Variants in PRDX3 observed in about 807,000 individuals in gnomAD.
PRDX3 encodes the protein peroxiredoxin 3.
Under a neutral mutation model 30.4 loss-of-function variants are expected in PRDX3, and 20 were observed. The ratio of observed to expected loss-of-function variants is 0.66; its 90% CI spans 0.46 to 0.96. The LOEUF is 0.96. Ranked by LOEUF, PRDX3 falls within the 40% of genes least tolerant of loss-of-function variation. The pLI, the probability that PRDX3 is intolerant of heterozygous loss-of-function variation, is 0.00. For missense variants in PRDX3, 322 were observed against 318.3 expected (o/e 1.01, Z -0.09); for synonymous variants, 124 against 117.8 (o/e 1.05, Z -0.34).
chr10:119,177,258 C>T (rs760336772), intron 1 of PRDX3, 105 bp from the exon 2 acceptor site: 2 of 1,159,294 alleles, frequency 1.7e-6, no homozygotes, highest in East Asian at 2.5e-5. Context: ...TCCTGTGAAC[C>T]AAATAGCAAA....
chr10:119,172,689 A>G (rs534017165), intron 4 of PRDX3, among the ~76,000 whole-genome samples: 1 of 152,334 alleles, frequency 6.6e-6, no homozygotes, highest in East Asian at 1.9e-4. Context: ...TGAGGCAAGA[A>G]AAACCTAAGT....
At chr10:119,170,465 G>C (rs1847879035) in intron 5 of PRDX3, 1 of 152,106 alleles carries the variant, frequency 6.6e-6, no homozygotes, top group Non-Finnish European at 1.5e-5. Flanking sequence ...AACGGGTACA[G>C]AGGTAACTGC....
At chr10:119,177,219 G>A (rs1462702999) in intron 1 of PRDX3, 66 bp from the exon 2 acceptor site, 45 of 1,545,978 alleles carry the variant, frequency 2.9e-5, no homozygotes, top group African/African-American at 2.7e-4. Context: ...AAAGGGCATC[G>A]TGCCAACGGT....
intron 5 of PRDX3, 106 bp downstream of exon 5, chr10:119,172,276 T>C: frequency 8.1e-6 from 8 of 991,090 alleles, no homozygotes; most frequent in African/African-American, 1.6e-5. Context: ...AGCCAGGATC[T>C]TCTGGTTTTA....
chr10:119,169,971 T>C (rs1847866961), intron 5 of PRDX3: 1 of 152,344 alleles, frequency 6.6e-6, no homozygotes, highest in Non-Finnish European at 1.5e-5. Context: ...GCAGATATGT[T>C]TAGCCTAGAA....
At chr10:119,175,809 C>T (rs182933886) in intron 2 of PRDX3, among the ~76,000 whole-genome samples, 57 of 144,558 alleles carry the variant, frequency 3.9e-4, no homozygotes, top group African/African-American at 1.1e-3. Context: ...GACAGAGTTT[C>T]GCTCTGTCAC....
intron 5 of PRDX3, 71 bp downstream of exon 5, chr10:119,172,311 A>G (rs1847923583): frequency 7.6e-7 from 1 of 1,319,292 alleles, no homozygotes; most frequent in Non-Finnish European, 1.1e-6. Flanking sequence ...AGGTCTACAT[A>G]AATCCCCTAA....
At chr10:119,170,194 G>C (rs1194187771) in intron 5 of PRDX3, 1 of 152,182 alleles carries the variant, frequency 6.6e-6, no homozygotes, top group African/African-American at 2.4e-5. Context: ...TGTCTTAAAA[G>C]GATGTGGAAA....
At chr10:119,169,057 A>C in intron 6 of PRDX3, 120 bp downstream of exon 6, 12 of 903,104 alleles carry the variant, frequency 1.3e-5, no homozygotes, top group East Asian at 6.0e-5. Flanking sequence ...AGCTTCACCC[A>C]TTTGCATATC....
chr10:119,168,543 C>CAA lies in PRDX3; in HGVS notation c.718-12_718-11dup, dbSNP rs1847821505. 4 of 1,613,252 alleles carry CAA rather than the reference C, an allele frequency of 2.5e-6. No homozygotes were observed. The South Asian group carries it at 4.4e-5, about 18-fold the overall frequency. ...CTGGACTTGGCTTGATCTGAAAATACAAAAGCTTAATTAGGTAACTGTGAC... is the reference window on the plus strand; with the variant it reads ...CTGGACTTGGCTTGATCTGAAAATACAAAAAAGCTTAATTAGGTAACTGTGAC... On this transcript the variant is annotated splice_polypyrimidine_tract_variant and intron_variant, in intron 6 of 6. Transcript: ENST00000298510.
chr10:119,172,578 T>C (rs1283221942), intron 4 of PRDX3, 93 bp from the exon 5 acceptor site: 17 of 1,031,010 alleles, frequency 1.6e-5, no homozygotes, highest in Admixed American at 6.9e-5. Flanking sequence ...GTAACGGCGA[T>C]AGGTAACAGT....
Position 119,168,032 on chromosome 10 carries a change from T to G in PRDX3, c.*448A>C, listed in dbSNP as rs3377. The stretch of plus-strand genomic sequence containing the variant: ...TTGCAGGAGTTACACGGCTAATCAT[T>G]GAAAATTATGATCTTTGTTAGCTTA... On this transcript the variant is annotated 3_prime_UTR_variant, in exon 7 of 7. Coordinates refer to ENST00000298510, the MANE Select transcript of PRDX3 (RefSeq NM_006793.5). 70,085 of 159,848 alleles carry G rather than the reference T, an allele frequency of 0.44. 17,681 individuals are homozygous for G. Among genetic ancestry groups the G allele is most frequent in the Non-Finnish European group, 0.54 (39,880 of 73,298 alleles). 9.9% of individuals were successfully genotyped at this position (159,848 alleles called of 1,614,324 possible).
intron 2 of PRDX3, among the ~76,000 whole-genome samples, chr10:119,175,773 G>A (rs1189143235): frequency 1.2e-5 from 1 of 82,958 alleles, no homozygotes; most frequent in Non-Finnish European, 2.4e-5. Flanking sequence ...GTTAGGAGGT[G>A]GTTTCAGTGA....
chr10:119,168,274 C>A lies in PRDX3; in HGVS notation c.*206G>T. 4 of 1,033,556 alleles carry A rather than the reference C, an allele frequency of 3.9e-6. No individual in the cohort carries two copies. Among genetic ancestry groups the A allele is most frequent in the South Asian group, 1.9e-5 (1 of 53,948 alleles). 64.0% of individuals were successfully genotyped at this position (1,033,556 alleles called of 1,614,324 possible). A position where few individuals can be genotyped will look rare whatever the true frequency, so the allele number is the denominator to read the frequency against. On this transcript the variant is annotated 3_prime_UTR_variant, in exon 7 of 7. Coordinates refer to ENST00000298510, the MANE Select transcript of PRDX3 (RefSeq NM_006793.5). The stretch of plus-strand genomic sequence containing the variant: ...AGCTAGCCAGCCACCAAGATGTTAC[C>A]AATAAAGGATTCCTTGTACTAGCAA...
chr10:119,178,510 TG>T (rs1230408086), intron 1 of PRDX3, among the ~76,000 whole-genome samples: 1 of 152,152 alleles, frequency 6.6e-6, no homozygotes, highest in Non-Finnish European at 1.5e-5. Flanking sequence ...GAGATGGGCC[TG>T]GGGACCGGGG....
chr10:119,178,316 G>C (rs34364753), intron 1 of PRDX3, among the ~76,000 whole-genome samples: 1 of 152,206 alleles, frequency 6.6e-6, no homozygotes, highest in African/African-American at 2.4e-5. Flanking sequence ...GGGATTGGGA[G>C]GGAAAGCCTT....
At chr10:119,177,636 G>C (rs937805326) in intron 1 of PRDX3, among the ~76,000 whole-genome samples, 2 of 134,716 alleles carry the variant, frequency 1.5e-5, no homozygotes, top group African/African-American at 5.9e-5. Flanking sequence ...TAACCTGGGC[G>C]ACAACTCCGT....
intron 2 of PRDX3, among the ~76,000 whole-genome samples, chr10:119,175,289 CAG>C (rs544560626): frequency 2.0e-5 from 3 of 152,288 alleles, no homozygotes; most frequent in Middle Eastern, 3.4e-3. Flanking sequence ...CTAATGAGAA[CAG>C]AGAGTGTCTA....
Position 119,172,434 on chromosome 10 carries a change from G to C in PRDX3, c.499C>G (p.Gln167Glu), listed in dbSNP as rs780373685. The C allele has an allele frequency of 1.2e-6, 2 of 1,614,154 alleles. No homozygotes were observed. Among genetic ancestry groups the C allele is most frequent in the Non-Finnish European group, 1.7e-6 (2 of 1,180,004 alleles). Residue 167 changes from glutamine to glutamate, a missense_variant, in exon 5 of 7, where the codon CAG becomes GAG. Transcript: ENST00000298510. ...NIALLSDLTK[Q>E]ISRDYGVLLE... is the part of the protein sequence containing the mutation. ...AGCACACCGTAGTCTCGGGAAATCT[G>C]CTTAGTTAAGTCTGACAAGAGTGCG...
Sources: allele counts gnomAD v4.1 joint callset (sites outside exome capture counted in the v4.1 genomes callset), GRCh38; gene constraint gnomAD v4.1.1; transcripts MANE v1.5; gene names NCBI Gene and HGNC (gene_info 2026-07-23, HGNC 2026-07-21).